The following FRAS1 variants were observed in gnomAD, a reference collection of about 807,000 sequenced individuals.
The protein encoded by FRAS1 is extracellular matrix organizing protein FRAS1.
In FRAS1, 290 loss-of-function variants were observed where a neutral mutation model predicts 435.2. The observed-to-expected ratio is 0.67, with a 90% CI of 0.61 to 0.73. The LOEUF (loss-of-function observed/expected upper bound fraction) is 0.73, where lower values mean the gene tolerates loss of function less well. Among genes scored for constraint, FRAS1 ranks in the 30% least tolerant of loss-of-function variants. The probability of loss-of-function intolerance (pLI) is 0.00; values close to 1 mark genes in which losing one functional copy is unlikely to be tolerated. For synonymous variants in FRAS1, 1,800 were observed against 1,851.0 expected (o/e 0.97, Z 0.71); for missense variants, 4,860 against 5,001.5 (o/e 0.97, Z 0.85).
chr4:78,436,035 A>C (rs899527419), intron 38 of FRAS1, among the ~76,000 whole-genome samples: 5 of 152,230 alleles, frequency 3.3e-5, no homozygotes, highest in African/African-American at 1.2e-4. Flanking sequence ...AAATTTGACT[A>C]TATTAAAAAT....
intron 14 of FRAS1, among the ~76,000 whole-genome samples, chr4:78,298,117 T>C (rs1453798202): frequency 6.8e-6 from 1 of 146,660 alleles, no homozygotes; most frequent in East Asian, 1.9e-4. Context: ...GGTATGTGTA[T>C]ATATATTTAA....
At chr4:78,286,139 T>C in intron 13 of FRAS1, 1 of 561,672 alleles carries the variant, frequency 1.8e-6, no homozygotes. Flanking sequence ...CTGAGTCTGT[T>C]CCTCATCTGT....
intron 14 of FRAS1, among the ~76,000 whole-genome samples, chr4:78,291,228 A>C (rs115705965): frequency 6.6e-6 from 1 of 152,140 alleles, no homozygotes; most frequent in African/African-American, 2.4e-5. Flanking sequence ...GCAGTCCCCA[A>C]CCTTTTTGGC....
At position 78,387,560 on chromosome 4, in the gene FRAS1, A is replaced by G. The variant is rs375725205; in HGVS notation, c.3834A>G (p.Gln1278=). The change falls in exon 29 of 74, where the codon CAA becomes CAG. Residue 1278 remains glutamine (Q), a synonymous_variant. Coordinates refer to ENST00000512123, the MANE Select transcript of FRAS1 (RefSeq NM_025074.7). Reference sequence around the variant, plus strand: ...AGTCCCCGGCAACCCCTATCTATCAATTCCAGCTGGATGAACTCTCTAGAG... The same window carrying G: ...AGTCCCCGGCAACCCCTATCTATCAGTTCCAGCTGGATGAACTCTCTAGAG... ...TLQSPATPIY[Q]FQLDELSRGL... is the part of the protein sequence containing the mutation. The G allele has an allele frequency of 4.5e-5, 72 of 1,613,580 alleles. No homozygotes were observed. The highest frequency in any genetic ancestry group is 5.9e-5 in the Non-Finnish European group (70 of 1,179,818).
chr4:78,336,901 C>CA (rs1730191414), intron 19 of FRAS1, among the ~76,000 whole-genome samples: 1 of 152,192 alleles, frequency 6.6e-6, no homozygotes, highest in Non-Finnish European at 1.5e-5. Flanking sequence ...TTGGCAGCGT[C>CA]AATGCAGCTG....
At chr4:78,247,201 C>G (rs753843272) in intron 4 of FRAS1, among the ~76,000 whole-genome samples, 4 of 152,118 alleles carry the variant, frequency 2.6e-5, no homozygotes, top group Non-Finnish European at 5.9e-5. Flanking sequence ...GCTGGTCTTT[C>G]TTCTCCCCAC....
chr4:78,278,843 T>C lies in FRAS1; in HGVS notation c.1071+99T>C, dbSNP rs1359458541. The stretch of plus-strand genomic sequence containing the variant: ...CTTGTTTCTTTTGCCCATTCATTTG[T>C]TCAACAAATGTTATTGTGCACCTAC... On this transcript the variant is annotated intron_variant, in intron 10 of 73. Coordinates refer to ENST00000512123, the MANE Select transcript of FRAS1 (RefSeq NM_025074.7). 5 of 753,692 alleles carry C rather than the reference T, an allele frequency of 6.6e-6. No homozygotes were observed. In the African/African-American group the frequency reaches 7.0e-5, roughly 11 times the overall value. The allele number at this position is 753,692 out of a possible 1,614,324, so 46.7% of individuals were successfully genotyped here.
chr4:78,490,719 C>A (rs1377301605), intron 59 of FRAS1, among the ~76,000 whole-genome samples: 2 of 152,128 alleles, frequency 1.3e-5, no homozygotes, highest in Admixed American at 6.6e-5. Context: ...CTAAAATCGA[C>A]ACCATAACAT....
chr4:78,161,903 A>T (rs187459173), intron 2 of FRAS1, among the ~76,000 whole-genome samples: 1 of 152,238 alleles, frequency 6.6e-6, no homozygotes, highest in East Asian at 1.9e-4. Flanking sequence ...AAGGCAAAGT[A>T]GAAATTTTGT....
At chr4:78,500,532 A>G (rs182546921) in intron 61 of FRAS1, among the ~76,000 whole-genome samples, 2 of 152,294 alleles carry the variant, frequency 1.3e-5, no homozygotes, top group East Asian at 3.9e-4. Context: ...ACTGTATGCT[A>G]GGTTTCTTCA....
chr4:78,491,529 A>G (rs1223880705), intron 59 of FRAS1, among the ~76,000 whole-genome samples: 1 of 152,234 alleles, frequency 6.6e-6, no homozygotes, highest in Non-Finnish European at 1.5e-5. Context: ...AATCCATCAC[A>G]TAAACAGAAC....
At chr4:78,290,453 CTTTCTTTCT>C (rs1225200957) in intron 14 of FRAS1, among the ~76,000 whole-genome samples, 8 of 139,774 alleles carry the variant, frequency 5.7e-5, no homozygotes, top group East Asian at 2.1e-4. Context: ...TTCTTTCTTT[CTTTCTTTCT>C]TTTTTTTTTT....
intron 48 of FRAS1, 45 bp from the exon 49 acceptor site, chr4:78,464,398 G>A: frequency 6.2e-7 from 1 of 1,611,246 alleles, no homozygotes; most frequent in South Asian, 1.1e-5. Context: ...TTGTTGGGTA[G>A]GTGCTAGGGA....
intron 70 of FRAS1, among the ~76,000 whole-genome samples, chr4:78,530,502 C>A (rs1366052567): frequency 4.6e-5 from 7 of 152,044 alleles, no homozygotes; most frequent in East Asian, 1.9e-4. Flanking sequence ...AAGACTGATA[C>A]AGGGAATTTG....
intron 6 of FRAS1, among the ~76,000 whole-genome samples, chr4:78,258,738 G>A (rs1725922603): frequency 7.1e-6 from 1 of 140,976 alleles, no homozygotes; most frequent in East Asian, 2.1e-4. Flanking sequence ...TAAGTTTTAG[G>A]GTACATGTGC....
intron 20 of FRAS1, among the ~76,000 whole-genome samples, chr4:78,354,864 T>C (rs1032139978): frequency 4.6e-5 from 7 of 152,220 alleles, no homozygotes; most frequent in African/African-American, 1.7e-4. Flanking sequence ...TCAAGCTTTT[T>C]TGATTTTGAT....
chr4:78,190,322 A>G (rs1316197767), intron 2 of FRAS1, among the ~76,000 whole-genome samples: 1 of 151,974 alleles, frequency 6.6e-6, no homozygotes, highest in Non-Finnish European at 1.5e-5. Context: ...GAAACCCCAC[A>G]TGACTGGCTC....
At chr4:78,522,841 A>T (rs1427095489) in intron 69 of FRAS1, 33 bp downstream of exon 69, 1 of 1,531,536 alleles carries the variant, frequency 6.5e-7, no homozygotes, top group Non-Finnish European at 8.8e-7. Context: ...CCATGGGTAG[A>T]GCTGAATGGT....
At chr4:78,158,818 G>C (rs1721002863) in intron 2 of FRAS1, among the ~76,000 whole-genome samples, 1 of 152,042 alleles carries the variant, frequency 6.6e-6, no homozygotes, top group South Asian at 2.1e-4. Flanking sequence ...GGATTCTCTG[G>C]TCTATTTATG....
Sources: allele counts gnomAD v4.1 joint callset (sites outside exome capture counted in the v4.1 genomes callset), GRCh38; gene constraint gnomAD v4.1.1; transcripts MANE v1.5; gene names NCBI Gene and HGNC (gene_info 2026-07-23, HGNC 2026-07-21).